ADAMTS18: variants seen among roughly 807,000 people sequenced by gnomAD.
The protein encoded by ADAMTS18 is A disintegrin and metalloproteinase with thrombospondin motifs 18.
Under a neutral mutation model 165.9 loss-of-function variants are expected in ADAMTS18, and 157 were observed. That is an observed-to-expected ratio of 0.95 (90% CI 0.83 to 1.08). The LOEUF (loss-of-function observed/expected upper bound fraction) is 1.08, where lower values mean the gene tolerates loss of function less well. Ranked by LOEUF, ADAMTS18 falls within the 50% of genes least tolerant of loss-of-function variation. The pLI is 0.00. For synonymous variants in ADAMTS18, 782 were observed against 578.2 expected (o/e 1.35, Z -5.06); for missense variants, 2,040 against 1,534.0 (o/e 1.33, Z -5.51).
At chr16:77,366,987 C>T (rs141668835) in intron 4 of ADAMTS18, among the ~76,000 whole-genome samples, 107 of 152,154 alleles carry the variant, frequency 7.0e-4, no homozygotes, top group African/African-American at 2.5e-3. Flanking sequence ...TGGAAACGGC[C>T]GAAGGTTGTA....
At chr16:77,433,054 A>C (rs2057757247) in intron 2 of ADAMTS18, among the ~76,000 whole-genome samples, 1 of 152,148 alleles carries the variant, frequency 6.6e-6, no homozygotes, top group African/African-American at 2.4e-5. Flanking sequence ...CCCCTCTCTT[A>C]ACCTTGAAAA....
At chr16:77,425,018 C>T (rs142011512) in intron 3 of ADAMTS18, among the ~76,000 whole-genome samples, 483 of 152,306 alleles carry the variant, frequency 3.2e-3, no homozygotes, top group African/African-American at 0.011. Context: ...TGACCAGCAA[C>T]AGACAACTCA....
At chr16:77,398,914 G>C (rs1432541263) in intron 3 of ADAMTS18, among the ~76,000 whole-genome samples, 1 of 152,126 alleles carries the variant, frequency 6.6e-6, no homozygotes, top group Non-Finnish European at 1.5e-5. Flanking sequence ...GAGAAAAACC[G>C]TCATAGGGTA....
chr16:77,430,230 T>C (rs1443831198), intron 3 of ADAMTS18, among the ~76,000 whole-genome samples: 1 of 152,228 alleles, frequency 6.6e-6, no homozygotes, highest in Non-Finnish European at 1.5e-5. Context: ...CATGTTATAA[T>C]ATATAGGTCA....
chr16:77,374,948 T>C (rs2056927808), intron 3 of ADAMTS18, among the ~76,000 whole-genome samples: 1 of 152,146 alleles, frequency 6.6e-6, no homozygotes, highest in South Asian at 2.1e-4. Context: ...TAGAAAACCT[T>C]GGAATCTAAC....
At chr16:77,424,886 G>C (rs557667132) in intron 3 of ADAMTS18, among the ~76,000 whole-genome samples, 1 of 152,194 alleles carries the variant, frequency 6.6e-6, no homozygotes, top group East Asian at 1.9e-4. Context: ...ACCCCTACTA[G>C]CTAACAAGGC....
intron 12 of ADAMTS18, 70 bp from the exon 13 acceptor site, chr16:77,326,108 T>C: frequency 2.0e-6 from 3 of 1,470,202 alleles, no homozygotes; most frequent in Non-Finnish European, 2.8e-6. Flanking sequence ...TGCAATAATA[T>C]GAAGAGAGGC....
chr16:77,395,536 C>T (rs529997421), intron 3 of ADAMTS18, among the ~76,000 whole-genome samples: 2 of 152,286 alleles, frequency 1.3e-5, no homozygotes, highest in South Asian at 2.1e-4. Flanking sequence ...CTCAGGGCTG[C>T]GTTCACTCCC....
At chr16:77,409,715 C>T (rs1450209008) in intron 3 of ADAMTS18, among the ~76,000 whole-genome samples, 1 of 152,144 alleles carries the variant, frequency 6.6e-6, no homozygotes, top group East Asian at 1.9e-4. Flanking sequence ...CTCAGCTCAG[C>T]TAAAAGCTAG....
intron 3 of ADAMTS18, among the ~76,000 whole-genome samples, chr16:77,407,179 CAACTT>C (rs1185868018): frequency 6.6e-6 from 1 of 151,964 alleles, no homozygotes; most frequent in African/African-American, 2.4e-5. Context: ...ATACAAAAAT[CAACTT>C]TATTTATACC....
intron 3 of ADAMTS18, among the ~76,000 whole-genome samples, chr16:77,406,419 G>C (rs1372872013): frequency 6.6e-6 from 1 of 151,984 alleles, no homozygotes; most frequent in African/African-American, 2.4e-5. Context: ...CCAAGATCAC[G>C]ATTGAAACAA....
chr16:77,287,856 G>A (rs954147989), intron 22 of ADAMTS18, among the ~76,000 whole-genome samples: 1 of 152,100 alleles, frequency 6.6e-6, no homozygotes, highest in African/African-American at 2.4e-5. Flanking sequence ...GACCATCACT[G>A]TAACACTGTG....
chr16:77,297,458 T>C, intron 17 of ADAMTS18, 43 bp from the exon 18 acceptor site: 2 of 1,574,532 alleles, frequency 1.3e-6, no homozygotes, highest in Non-Finnish European at 1.7e-6. Flanking sequence ...TTACAGATTA[T>C]TATTTCAATT....
At chr16:77,358,373 C>T (rs1323109074) in intron 8 of ADAMTS18, among the ~76,000 whole-genome samples, 1 of 152,100 alleles carries the variant, frequency 6.6e-6, no homozygotes, top group Non-Finnish European at 1.5e-5. Flanking sequence ...GTCAGCATGA[C>T]CAACATGGTG....
At chr16:77,358,221 A>G (rs559279306) in intron 8 of ADAMTS18, among the ~76,000 whole-genome samples, 42 of 152,328 alleles carry the variant, frequency 2.8e-4, no homozygotes, top group Non-Finnish European at 5.3e-4. Context: ...TTTGTTGGAT[A>G]ACAATAACAA....
At chr16:77,412,154 A>T (rs1036847130) in intron 3 of ADAMTS18, among the ~76,000 whole-genome samples, 16 of 152,186 alleles carry the variant, frequency 1.1e-4, no homozygotes, top group African/African-American at 3.4e-4. Flanking sequence ...AATAGAACAA[A>T]AAGACTGAGT....
intron 8 of ADAMTS18, among the ~76,000 whole-genome samples, chr16:77,358,022 C>A (rs183699919): frequency 6.6e-6 from 1 of 152,352 alleles, no homozygotes; most frequent in East Asian, 1.9e-4. Flanking sequence ...GGACTTCATG[C>A]TGGTAAAACA....
At chr16:77,353,947 C>A in intron 9 of ADAMTS18, 61 bp from the exon 10 acceptor site, 2 of 1,599,222 alleles carry the variant, frequency 1.3e-6, no homozygotes, top group Non-Finnish European at 8.6e-7. Context: ...CCATTTACGA[C>A]AACACACTTC....
At chr16:77,414,827 C>T (rs1419654023) in intron 3 of ADAMTS18, among the ~76,000 whole-genome samples, 1 of 152,226 alleles carries the variant, frequency 6.6e-6, no homozygotes, top group African/African-American at 2.4e-5. Flanking sequence ...CATTACCCCA[C>T]ATGTCATCAT....
Sources: allele counts gnomAD v4.1 joint callset (sites outside exome capture counted in the v4.1 genomes callset), GRCh38; gene constraint gnomAD v4.1.1; transcripts MANE v1.5; gene names NCBI Gene and HGNC (gene_info 2026-07-23, HGNC 2026-07-21).